TSC1: variants seen among roughly 807,000 people sequenced by gnomAD.
TSC1 encodes TSC complex subunit 1.
In TSC1, 20 loss-of-function variants were observed where a neutral mutation model predicts 124.3. That is an observed-to-expected ratio of 0.16 (90% confidence interval 0.11 to 0.23). The LOEUF (loss-of-function observed/expected upper bound fraction) is 0.23. Ranked by LOEUF, TSC1 falls within the 10% of genes least tolerant of loss-of-function variation. TSC1 has a pLI of 1.00. For synonymous variants in TSC1, 493 were observed against 539.1 expected (o/e 0.91, Z 1.19); for missense variants, 1,124 against 1,448.5 (o/e 0.78, Z 3.64).
chr9:132,905,013 A>C (rs1845579732), intron 15 of TSC1, among the ~76,000 whole-genome samples: 1 of 152,134 alleles, frequency 6.6e-6, no homozygotes, highest in Non-Finnish European at 1.5e-5. Context: ...TTCCCCAAGC[A>C]CCTGTAAAGT....
At position 132,923,295 on chromosome 9, in the gene TSC1, T is replaced by C; in HGVS notation, c.508+53A>G. 2 of 1,604,576 alleles carry C rather than the reference T, an allele frequency of 1.2e-6. No homozygotes were observed. Among genetic ancestry groups the C allele is most frequent in the South Asian group, 1.1e-5 (1 of 90,094 alleles). On this transcript the variant is annotated intron_variant, in intron 6 of 22. Transcript: ENST00000298552. The surrounding 1 kb of genome is among the most constrained non-coding windows in gnomAD (Gnocchi z 4.2). ...TTACAGCATATGAGCAATTAATCAATAATGAAAGCATTCACCTCACAGGGC... is the reference window on the plus strand; with the variant it reads ...TTACAGCATATGAGCAATTAATCAACAATGAAAGCATTCACCTCACAGGGC...
At chr9:132,929,747 C>T (rs1415329284) in intron 2 of TSC1, among the ~76,000 whole-genome samples, 1 of 151,980 alleles carries the variant, frequency 6.6e-6, no homozygotes, top group Non-Finnish European at 1.5e-5. Context: ...ACACCTTTCA[C>T]AAACATCATT....
intron 8 of TSC1, among the ~76,000 whole-genome samples, chr9:132,914,215 A>C (rs1052179131): frequency 2.0e-5 from 3 of 152,038 alleles, no homozygotes; most frequent in Non-Finnish European, 2.9e-5. Context: ...TATTTTTAAA[A>C]CTGTCTAAAG....
At position 132,903,893 on chromosome 9, in the gene TSC1, G is replaced by C. The variant is rs1845515819; in HGVS notation, c.2042-76C>G. On this transcript the variant is annotated intron_variant, in intron 16 of 22. Transcript: ENST00000298552. The surrounding 1 kb of genome is among the most constrained non-coding windows in gnomAD (Gnocchi z 5.9). ...CAATCAAGCCCCCTTCCCATGTGTTGTTAGCTTAACAAACACAATTCTTTA... is the reference window on the plus strand; with the variant it reads ...CAATCAAGCCCCCTTCCCATGTGTTCTTAGCTTAACAAACACAATTCTTTA... The C allele has an allele frequency of 6.5e-7, 1 of 1,548,296 alleles. No homozygotes were observed. Among genetic ancestry groups the C allele is most frequent in the Non-Finnish European group, 8.9e-7 (1 of 1,126,544 alleles).
In TSC1 at chr9:132,902,728, T is replaced by C. The variant is rs760004541; in HGVS notation, c.2268A>G (p.Lys756=). The change falls in exon 18 of 23, where the codon AAA becomes AAG. Residue 756 remains lysine, a synonymous_variant. Transcript: ENST00000298552. This position sits in a 1 kb window ranked among gnomAD's most constrained non-coding sequence, Gnocchi z 5.2. ...GGAGCTGATTGTATCTAGCTTGTTC[T>C]TTCTGCAGACTAACCTTCCACATCT... ...DIQMWKVSLQ[K]EQARYNQLQE... 7 of 1,614,176 alleles carry C rather than the reference T, an allele frequency of 4.3e-6. No homozygotes were observed. Among genetic ancestry groups the C allele is most frequent in the Non-Finnish European group, 5.9e-6 (7 of 1,180,030 alleles).
chr9:132,906,484 G>C lies in TSC1; in HGVS notation c.1438+247C>G. 1.9e-6 allele frequency: 1 copy of C among 536,098 alleles called. No homozygotes were observed. The highest frequency in any genetic ancestry group is 3.4e-5 in the East Asian group (1 of 29,824). 33.2% of individuals were successfully genotyped at this position (536,098 alleles called of 1,614,324 possible). On this transcript the variant is annotated intron_variant, in intron 14 of 22. Coordinates refer to ENST00000298552, the MANE Select transcript of TSC1 (RefSeq NM_000368.5). The surrounding 1 kb of genome is among the most constrained non-coding windows in gnomAD (Gnocchi z 4.1). Reference sequence around the variant, plus strand: ...GGATTGCTTGAGCCTGGGAGGTCAAGGCTGCAGTGAGCCATGATCGTACCA... The same window carrying C: ...GGATTGCTTGAGCCTGGGAGGTCAACGCTGCAGTGAGCCATGATCGTACCA...
At position 132,912,468 on chromosome 9, in the gene TSC1, C is replaced by G. The variant is rs2132007936; in HGVS notation, c.738-11G>C. On this transcript the variant is annotated splice_polypyrimidine_tract_variant and intron_variant, in intron 8 of 22. Coordinates refer to ENST00000298552, the MANE Select transcript of TSC1 (RefSeq NM_000368.5). ...TCTAATCTCTTCCACCTGTAAAATG[C>G]AATGAAAGTCAAGAAATGCAAACTG... The G allele has an allele frequency of 6.2e-7, 1 of 1,614,088 alleles. No individual in the cohort carries two copies. Among genetic ancestry groups the G allele is most frequent in the South Asian group, 1.1e-5 (1 of 91,080 alleles).
chr9:132,907,164 A>T, intron 13 of TSC1, 137 bp downstream of exon 13: 5 of 672,402 alleles, frequency 7.4e-6, no homozygotes, highest in South Asian at 1.5e-5. Flanking sequence ...AGAATTCACT[A>T]CTCGTTTCAT....
Position 132,944,556 on chromosome 9 carries a change from C to T in TSC1, c.-157G>A, listed in dbSNP as rs1001422268. On this transcript the variant is annotated 5_prime_UTR_variant, in exon 1 of 23. Transcript: ENST00000298552. ...CCCCATACTCACCCACCGTCTCCTC[C>T]CCCTCAGCTGTTTACCTCACAGTCC... 1.8e-5 allele frequency: 7 copies of T among 398,714 alleles called. No homozygotes were observed. The highest frequency in any genetic ancestry group is 3.1e-5 in the Non-Finnish European group (7 of 226,236). The allele number at this position is 398,714 out of a possible 1,614,324, so 24.7% of individuals were successfully genotyped here.
Position 132,900,973 on chromosome 9 carries a change from T to TC in TSC1, c.2503-137dup, listed in dbSNP as rs201114032. ...ATAAACCAGTCCCATGGGTTCACAGTCCCTGACATAATGGCAGGTGGGGAG... is the reference window on the plus strand; with the variant it reads ...ATAAACCAGTCCCATGGGTTCACAGTCCCCTGACATAATGGCAGGTGGGGAG... On this transcript the variant is annotated intron_variant, in intron 19 of 22. Transcript: ENST00000298552. The TC allele has an allele frequency of 1.5e-3, 1,890 of 1,274,086 alleles. 28 individuals are homozygous for TC. In the African/African-American group the frequency reaches 0.024, roughly 16 times the overall value. The allele number at this position is 1,274,086 out of a possible 1,614,324, so 78.9% of individuals were successfully genotyped here. A position where few individuals can be genotyped will look rare whatever the true frequency, so the allele number is the denominator to read the frequency against.
Position 132,906,859 on chromosome 9 carries a change from A to T in TSC1, c.1334-24T>A. 1 of 1,585,198 alleles carries T rather than the reference A, an allele frequency of 6.3e-7. No individual in the cohort carries two copies. Among genetic ancestry groups the T allele is most frequent in the Non-Finnish European group, 8.7e-7 (1 of 1,154,088 alleles). ...TTCTGAAGAGAAACAAAGACAACTG[A>T]AGTCAAAGAAATACAGTGTAATCCC... On this transcript the variant is annotated intron_variant, in intron 13 of 22. Coordinates refer to ENST00000298552, the MANE Select transcript of TSC1 (RefSeq NM_000368.5). This position sits in a 1 kb window ranked among gnomAD's most constrained non-coding sequence, Gnocchi z 4.1.
chr9:132,906,548 CAAAAAAA>C lies in TSC1; in HGVS notation c.1438+176_1438+182del. ...AGGGTGACAGAGCAAGACCCTGTCTCAAAAAAAAAAAAAAAAAAAGTGGCATCACTTT... is the reference window on the plus strand; with the variant it reads ...AGGGTGACAGAGCAAGACCCTGTCTCAAAAAAAAAAAAGTGGCATCACTTT... On this transcript the variant is annotated intron_variant, in intron 14 of 22. Coordinates refer to ENST00000298552, the MANE Select transcript of TSC1 (RefSeq NM_000368.5). This position sits in a 1 kb window ranked among gnomAD's most constrained non-coding sequence, Gnocchi z 4.1. 1.2e-5 allele frequency: 5 copies of C among 414,254 alleles called. No homozygotes were observed. Among genetic ancestry groups the C allele is most frequent in the East Asian group, 4.3e-5 (1 of 23,418 alleles). 25.7% of individuals were successfully genotyped at this position (414,254 alleles called of 1,614,324 possible).
Position 132,895,945 on chromosome 9 carries a change from G to T in TSC1, c.*290C>A, listed in dbSNP as rs1845009571. The T allele has an allele frequency of 2.3e-5, 11 of 487,304 alleles. No individual in the cohort carries two copies. In the East Asian group the frequency reaches 3.9e-4, roughly 17 times the overall value. 30.2% of individuals were successfully genotyped at this position (487,304 alleles called of 1,614,324 possible). On this transcript the variant is annotated 3_prime_UTR_variant, in exon 23 of 23. Transcript: ENST00000298552. Reference sequence around the variant, plus strand: ...TCAAAGGACGCAACCATTTGGGGGGGAAAGGAAGAAAGTAAAGCTACTGAG... The same window carrying T: ...TCAAAGGACGCAACCATTTGGGGGGTAAAGGAAGAAAGTAAAGCTACTGAG...
chr9:132,896,665 C>G lies in TSC1; in HGVS notation c.3065G>C (p.Arg1022Thr), dbSNP rs1392262248. The G allele has an allele frequency of 6.2e-7, 1 of 1,614,090 alleles. No homozygotes were observed. The highest frequency in any genetic ancestry group is 8.5e-7 in the Non-Finnish European group (1 of 1,180,024). The change falls in exon 23 of 23, where the codon AGG becomes ACG. Residue 1022 changes from arginine (R) to threonine (T), a missense_variant. Coordinates refer to ENST00000298552, the MANE Select transcript of TSC1 (RefSeq NM_000368.5). The surrounding 1 kb of genome is among the most constrained non-coding windows in gnomAD (Gnocchi z 4.5). The stretch of plus-strand genomic sequence containing the variant: ...ACTACTGCCCCGGGCGCTGCTGGGC[C>G]TGGGGGTCTTGGTCTCACCGTTGTG... ...SGHNGETKTP[R>T]PSSARGSSGS...
chr9:132,938,088 T>C (rs968159051), intron 1 of TSC1, among the ~76,000 whole-genome samples: 2 of 152,232 alleles, frequency 1.3e-5, no homozygotes, highest in Non-Finnish European at 2.9e-5. Flanking sequence ...AAAATGATAA[T>C]GGTACTAAAT....
chr9:132,937,438 C>T (rs897361696), intron 1 of TSC1, among the ~76,000 whole-genome samples: 1 of 152,174 alleles, frequency 6.6e-6, no homozygotes, highest in Non-Finnish European at 1.5e-5. Context: ...AGCAAAACTC[C>T]GTTTCAAAAT....
In TSC1 at chr9:132,911,441, T is replaced by G; in HGVS notation, c.1029+12A>C. The G allele has an allele frequency of 1.9e-6, 3 of 1,590,698 alleles. No homozygotes were observed. Among genetic ancestry groups the G allele is most frequent in the Non-Finnish European group, 2.6e-6 (3 of 1,158,802 alleles). ...GCAGAGGAGAGAGCAGGCACACTAG[T>G]TGACACCATACTTGTGGTGGTTCAG... On this transcript the variant is annotated intron_variant, in intron 10 of 22. Transcript: ENST00000298552.
chr9:132,894,545 G>C lies in TSC1; in HGVS notation c.*1690C>G, dbSNP rs192562699. Reference sequence around the variant, plus strand: ...CTGCCAGCCTGTGCTAGGCTGAGTAGTTGGGACCACGCCCTGCCACAGGCT... The same window carrying C: ...CTGCCAGCCTGTGCTAGGCTGAGTACTTGGGACCACGCCCTGCCACAGGCT... On this transcript the variant is annotated 3_prime_UTR_variant, in exon 23 of 23. Coordinates refer to ENST00000298552, the MANE Select transcript of TSC1 (RefSeq NM_000368.5). 3.9e-5 allele frequency: 9 copies of C among 229,068 alleles called. No homozygotes were observed. In the East Asian group the frequency reaches 5.6e-4, roughly 14 times the overall value. The allele number at this position is 229,068 out of a possible 1,614,324, so 14.2% of individuals were successfully genotyped here. A position where few individuals can be genotyped will look rare whatever the true frequency, so the allele number is the denominator to read the frequency against.
rs1243482299 is a variant in TSC1 at position 132,896,824 on chromosome 9, A to G, written c.2976-70T>C. 8 of 1,608,400 alleles carry G rather than the reference A, an allele frequency of 5.0e-6. No homozygotes were observed. In the East Asian group the frequency reaches 1.8e-4, roughly 36 times the overall value. The stretch of plus-strand genomic sequence containing the variant: ...GTCCACATTCGGAGGATGTGGAATT[A>G]CACTGACACTCACTCACACTGACAC... On this transcript the variant is annotated intron_variant, in intron 22 of 22. Coordinates refer to ENST00000298552, the MANE Select transcript of TSC1 (RefSeq NM_000368.5). This position sits in a 1 kb window ranked among gnomAD's most constrained non-coding sequence, Gnocchi z 4.5.
Sources: gnomAD v4.1 joint callset for allele counts (sites outside exome capture counted in the v4.1 genomes callset) on GRCh38, gnomAD v4.1.1 for gene constraint, Gnocchi (gnomAD v3.1) non-coding constraint, MANE v1.5 for transcripts, NCBI Gene and HGNC (gene_info 2026-07-23, HGNC 2026-07-21) for gene names.